The following UGT1A9 variants were observed in gnomAD, a reference collection of about 807,000 sequenced individuals.
UGT1A9 encodes UDP glucuronosyltransferase family 1 member A9, also known as UDP-glucuronosyltransferase 1A9.
Under a neutral mutation model 45.0 loss-of-function variants are expected in UGT1A9, and 35 were observed. The ratio of observed to expected loss-of-function variants is 0.78; its 90% confidence interval spans 0.59 to 1.03. UGT1A9 has a LOEUF of 1.03. UGT1A9 is among the 50% of genes least tolerant of loss of function. The pLI, the probability that UGT1A9 is intolerant of heterozygous loss-of-function variation, is 0.00. For missense variants in UGT1A9, 687 were observed against 666.6 expected, an observed-to-expected ratio of 1.03 and a Z score of -0.34; for synonymous variants, 278 against 250.6, an observed-to-expected ratio of 1.11 and a Z score of -1.03.
At chr2:233,698,327 T>TA in intron 1 of UGT1A9, among the ~76,000 whole-genome samples, 1 of 152,314 alleles carries the variant, frequency 6.6e-6, no homozygotes, top group South Asian at 2.1e-4. Flanking sequence ...TGGAACCAGA[T>TA]AGAGGTGTCA....
chr2:233,744,437 G>A (rs1405958246), intron 1 of UGT1A9, among the ~76,000 whole-genome samples: 1 of 151,860 alleles, frequency 6.6e-6, no homozygotes, highest in Non-Finnish European at 1.5e-5. Context: ...TCTATCATAC[G>A]TACTGCATTA....
At chr2:233,719,389 C>A (rs1343929267) in intron 1 of UGT1A9, 1 of 1,613,916 alleles carries the variant, frequency 6.2e-7, no homozygotes, top group Admixed American at 1.7e-5. Flanking sequence ...TGTCCAAATC[C>A]TTCCTCCTAT....
chr2:233,768,582 C>CTTTTTTTTTT (rs139595073), intron 4 of UGT1A9, 143 bp downstream of exon 4: 1 of 867,188 alleles, frequency 1.2e-6, no homozygotes, highest in Non-Finnish European at 1.4e-6. Flanking sequence ...TTTATTTCTT[C>CTTTTTTTTTT]TTTTTTTTTT....
At chr2:233,678,431 G>A (rs1297546126) in intron 1 of UGT1A9, among the ~76,000 whole-genome samples, 2 of 152,186 alleles carry the variant, frequency 1.3e-5, no homozygotes, top group Admixed American at 1.3e-4. Context: ...GGGTGGCAGA[G>A]GCAGAAGAGG....
At chr2:233,734,119 A>AATAATC (rs2125784278) in intron 1 of UGT1A9, among the ~76,000 whole-genome samples, 1 of 152,144 alleles carries the variant, frequency 6.6e-6, no homozygotes, top group Non-Finnish European at 1.5e-5. Context: ...TAATAATAAT[A>AATAATC]ATAAAAAGAA....
intron 1 of UGT1A9, chr2:233,692,226 T>C (rs2075085606): frequency 6.6e-6 from 1 of 152,364 alleles, no homozygotes; most frequent in Non-Finnish European, 1.5e-5. Context: ...AGATGGCAGA[T>C]GGGGCTCCAT....
At chr2:233,715,777 A>C (rs1241643049) in intron 1 of UGT1A9, among the ~76,000 whole-genome samples, 12 of 152,166 alleles carry the variant, frequency 7.9e-5, no homozygotes, top group Admixed American at 1.3e-4. Context: ...ATCTCAAAAA[A>C]ATAAAAATTT....
intron 1 of UGT1A9, among the ~76,000 whole-genome samples, chr2:233,725,222 G>C (rs2077398090): frequency 1.1e-5 from 1 of 89,832 alleles, no homozygotes; most frequent in African/African-American, 7.8e-5. Context: ...AGGCAGAGGA[G>C]GCAGAGGCAG....
In UGT1A9 at chr2:233,769,448, C is replaced by T. The variant is rs934555154; in HGVS notation, c.1295+1009C>T. The T allele has an allele frequency of 7.2e-5, 114 of 1,590,160 alleles. No individual in the cohort carries two copies. The East Asian group carries it at 1.2e-3, about 16-fold the overall frequency. ...GGCTGTGCTCATGTGTGGGTGCACA[C>T]GTGTGCATTCATATGCGTGTGTGTG... On this transcript the variant is annotated intron_variant, in intron 4 of 4. Coordinates refer to ENST00000354728, the MANE Select transcript of UGT1A9 (RefSeq NM_021027.3). The surrounding 1 kb of genome is among the most constrained non-coding windows in gnomAD (Gnocchi z 4.4).
chr2:233,698,411 G>T (rs1011894202), intron 1 of UGT1A9, among the ~76,000 whole-genome samples: 1 of 152,042 alleles, frequency 6.6e-6, no homozygotes, highest in African/African-American at 2.4e-5. Flanking sequence ...TGACTTCATC[G>T]CAATAAATTA....
At chr2:233,755,840 T>G (rs557934522) in intron 1 of UGT1A9, 1 of 152,356 alleles carries the variant, frequency 6.6e-6, no homozygotes, top group Admixed American at 6.5e-5. Flanking sequence ...ATTGGGCAAT[T>G]TAAGAAGAAT....
intron 1 of UGT1A9, among the ~76,000 whole-genome samples, chr2:233,716,212 C>A (rs1384264157): frequency 6.6e-6 from 1 of 152,184 alleles, no homozygotes; most frequent in African/African-American, 2.4e-5. Flanking sequence ...CTTTCACTTG[C>A]AAGAGCCCTT....
At chr2:233,749,453 C>T (rs1313864160) in intron 1 of UGT1A9, among the ~76,000 whole-genome samples, 3 of 151,804 alleles carry the variant, frequency 2.0e-5, no homozygotes, top group Non-Finnish European at 2.9e-5. Flanking sequence ...TGGAGCAGAA[C>T]GAATTGGGAA....
At chr2:233,719,313 C>A in intron 1 of UGT1A9, 2 of 1,613,954 alleles carry the variant, frequency 1.2e-6, no homozygotes, top group Non-Finnish European at 1.7e-6. Flanking sequence ...GGCTAAGTAC[C>A]TGTCGATTCC....
At chr2:233,724,943 T>TC (rs1416863608) in intron 1 of UGT1A9, among the ~76,000 whole-genome samples, 2 of 143,908 alleles carry the variant, frequency 1.4e-5, no homozygotes, top group Non-Finnish European at 3.0e-5. Context: ...CCGTCTGCAA[T>TC]CCCGGCACCT....
intron 1 of UGT1A9, among the ~76,000 whole-genome samples, chr2:233,751,182 A>C (rs1481520525): frequency 1.3e-5 from 2 of 151,938 alleles, no homozygotes; most frequent in African/African-American, 4.9e-5. Flanking sequence ...ATGAGACATG[A>C]AGTTAAAGGT....
At chr2:233,760,488 C>T (rs2125984883) in intron 1 of UGT1A9, 1 of 1,614,254 alleles carries the variant, frequency 6.2e-7, no homozygotes, top group Non-Finnish European at 8.5e-7. Context: ...CCTCGTTGTA[C>T]ATCAGAGACG....
At chr2:233,760,846 C>G (rs760019185) in intron 1 of UGT1A9, 2 of 1,613,970 alleles carry the variant, frequency 1.2e-6, no homozygotes, top group South Asian at 2.2e-5. Context: ...TACCCAGTGC[C>G]CCAACCCATT....
chr2:233,762,430 C>A (rs796065862), intron 1 of UGT1A9, among the ~76,000 whole-genome samples: 1 of 152,178 alleles, frequency 6.6e-6, no homozygotes, highest in African/African-American at 2.4e-5. Context: ...AATAGAGTAA[C>A]AGTGTATTCC....
Sources: gnomAD v4.1 joint callset for allele counts (sites outside exome capture counted in the v4.1 genomes callset) on GRCh38, gnomAD v4.1.1 for gene constraint, Gnocchi (gnomAD v3.1) non-coding constraint, MANE v1.5 for transcripts, NCBI Gene and HGNC (gene_info 2026-07-23, HGNC 2026-07-21) for gene names.